ZNF791: variants seen among roughly 807,000 people sequenced by gnomAD.
ZNF791 encodes zinc finger protein 791.
A neutral mutation model predicts 11.5 loss-of-function variants in ZNF791; 4 were observed. The observed-to-expected ratio is 0.35, with a 90% confidence interval of 0.17 to 0.80. The LOEUF is 0.80. Among genes scored for constraint, ZNF791 ranks in the 30% least tolerant of loss-of-function variants. The pLI is 0.53. For synonymous variants in ZNF791, 212 were observed against 228.1 expected, an observed-to-expected ratio of 0.93 and a Z score of 0.64; for missense variants, 559 against 699.4, an observed-to-expected ratio of 0.80 and a Z score of 2.26.
At position 12,628,863 on chromosome 19, in the gene ZNF791, G is replaced by A; in HGVS notation, c.1334G>A (p.Cys445Tyr). 2 of 1,613,678 alleles carry A rather than the reference G, an allele frequency of 1.2e-6. No individual in the cohort carries two copies. The highest frequency in any genetic ancestry group is 2.2e-5 in the East Asian group (1 of 44,848). ...GACGGACCTTATAAATGTAGGGACT[G>A]TGGGAAGGTGTTCATTTTTCCTAGT... ...TGDGPYKCRDCGKVFIFPSAL... is the reference protein window; with the variant it reads ...TGDGPYKCRDYGKVFIFPSAL... The change falls in exon 4 of 4, where the codon TGT becomes TAT. Residue 445 changes from cysteine (C) to tyrosine (Y), a missense_variant. Coordinates refer to ENST00000343325, the MANE Select transcript of ZNF791 (RefSeq NM_153358.3).
At chr19:12,617,194 T>C (rs1372120374) in intron 1 of ZNF791, among the ~76,000 whole-genome samples, 1 of 151,088 alleles carries the variant, frequency 6.6e-6, no homozygotes, top group African/African-American at 2.4e-5. Context: ...GGTGCAGTCT[T>C]GGCTCACTGC....
In ZNF791 at chr19:12,624,560, C is replaced by T. The variant is rs183041672; in HGVS notation, c.131-90C>T. On this transcript the variant is annotated intron_variant, in intron 2 of 3. Transcript: ENST00000343325. ...GAAACACTTCTGTAAATAAACCAGG[C>T]ATGGTTACAGCTCATTGTGAACCTA... is the stretch of plus-strand genomic sequence containing the variant. 3.8e-5 allele frequency: 36 copies of T among 950,436 alleles called. 1 individual carries two copies. The highest frequency in any genetic ancestry group is 6.8e-4 in the Middle Eastern group (2 of 2,944). The allele number at this position is 950,436 out of a possible 1,614,324, so 58.9% of individuals were successfully genotyped here.
chr19:12,625,138 T>C (rs1270747752), intron 3 of ZNF791, among the ~76,000 whole-genome samples: 3 of 151,928 alleles, frequency 2.0e-5, no homozygotes, highest in Non-Finnish European at 4.4e-5. Flanking sequence ...TATTTTTTCT[T>C]GAGATGAGGT....
At position 12,624,158 on chromosome 19, in the gene ZNF791, C is replaced by CT. The variant is rs138811360; in HGVS notation, c.130+350dup. 4.8e-3 allele frequency among the ~76,000 whole-genome samples: 599 copies of CT among 124,030 alleles called. 8 individuals are homozygous for CT. The highest frequency in any genetic ancestry group is 0.034 in the South Asian group (128 of 3,818). The allele number at this position is 124,030 out of a possible 152,430, so 81.4% of individuals were successfully genotyped here. On this transcript the variant is annotated intron_variant, in intron 2 of 3. Transcript: ENST00000343325. ...GGCATGAGCCACTGTGCCTGGCCTT[C>CT]TTTTTTTTTTTTTTTTTTGAGTCTC...
chr19:12,626,308 C>A (rs1410136983), intron 3 of ZNF791, among the ~76,000 whole-genome samples: 1 of 151,648 alleles, frequency 6.6e-6, no homozygotes, highest in Non-Finnish European at 1.5e-5. Context: ...AGCCACCATG[C>A]CCAGCCAATT....
chr19:12,626,761 C>T (rs1303661701), intron 3 of ZNF791, among the ~76,000 whole-genome samples: 5 of 151,612 alleles, frequency 3.3e-5, no homozygotes, highest in Admixed American at 6.6e-5. Flanking sequence ...CCCACCACCA[C>T]GCCCGGCTAA....
At position 12,623,754 on chromosome 19, in the gene ZNF791, C is replaced by G; in HGVS notation, c.58C>G (p.Leu20Val). The change falls in exon 2 of 4, where the codon CTG becomes GTG. Residue 20 changes from leucine (L) to valine (V), a missense_variant. Leu to Val is a conservative substitution (Grantham distance 32, BLOSUM62 1). Coordinates refer to ENST00000343325, the MANE Select transcript of ZNF791 (RefSeq NM_153358.3). ...GAGCTTCAGCCAGGAGGAGTGGGCT[C>G]TGCTGGCTCCTTCACAGAAGAAACT... is the stretch of plus-strand genomic sequence containing the variant. Reference protein sequence around the residue: ...SVSFSQEEWALLAPSQKKLYR... With the variant: ...SVSFSQEEWAVLAPSQKKLYR... 1 of 1,613,454 alleles carries G rather than the reference C, an allele frequency of 6.2e-7. No individual in the cohort carries two copies. Among genetic ancestry groups the G allele is most frequent in the Non-Finnish European group, 8.5e-7 (1 of 1,179,840 alleles).
chr19:12,624,768 G>A (rs2023402413), intron 3 of ZNF791, 58 bp downstream of exon 3: 3 of 1,386,262 alleles, frequency 2.2e-6, no homozygotes, highest in Middle Eastern at 2.2e-4. Flanking sequence ...AAAATGTTAT[G>A]GCCGGGCACG....
At chr19:12,620,751 G>GTTTTTT (rs2023327234) in intron 1 of ZNF791, among the ~76,000 whole-genome samples, 3 of 71,600 alleles carry the variant, frequency 4.2e-5, no homozygotes, top group African/African-American at 1.2e-4. Flanking sequence ...GGGGATTTAT[G>GTTTTTT]TTCTTTTTTT....
chr19:12,623,613 A>G (rs1177085714), intron 1 of ZNF791, 87 bp from the exon 2 acceptor site: 3 of 1,580,172 alleles, frequency 1.9e-6, no homozygotes, highest in Non-Finnish European at 2.6e-6. Context: ...TGGAGACCAC[A>G]AAATCGTGTG....
At chr19:12,616,546 G>A in intron 1 of ZNF791, among the ~76,000 whole-genome samples, 1 of 152,136 alleles carries the variant, frequency 6.6e-6, no homozygotes, top group East Asian at 1.9e-4. Flanking sequence ...AAAAAAATTA[G>A]CCCAATGTGG....
At position 12,614,892 on chromosome 19, in the gene ZNF791, C is replaced by CTTTTTTTTTTTT. The variant is rs57575424; in HGVS notation, c.3+3834_3+3845dup. 5.5e-3 allele frequency among the ~76,000 whole-genome samples: 96 copies of CTTTTTTTTTTTT among 17,564 alleles called. 35 individuals carry two copies. Among genetic ancestry groups the CTTTTTTTTTTTT allele is most frequent in the Middle Eastern group, 0.056 (1 of 18 alleles). 11.5% of individuals were successfully genotyped at this position (17,564 alleles called of 152,430 possible). A position where few individuals can be genotyped will look rare whatever the true frequency, so the allele number is the denominator to read the frequency against. On this transcript the variant is annotated intron_variant, in intron 1 of 3. Coordinates refer to ENST00000343325, the MANE Select transcript of ZNF791 (RefSeq NM_153358.3). ...ACAGGTGTGAGCCACTGCGTCCGGC[C>CTTTTTTTTTTTT]TTTTTTTTTTTTTTTTTTTTTTTTT...
intron 3 of ZNF791, among the ~76,000 whole-genome samples, chr19:12,625,272 C>T (rs1423962366): frequency 1.3e-5 from 2 of 149,668 alleles, no homozygotes; most frequent in African/African-American, 4.9e-5. Flanking sequence ...AGGGACGTGC[C>T]ACCACACCTG....
Position 12,628,580 on chromosome 19 carries a change from A to G in ZNF791, c.1051A>G (p.Thr351Ala). 2 of 1,599,452 alleles carry G rather than the reference A, an allele frequency of 1.3e-6. No homozygotes were observed. Among genetic ancestry groups the G allele is most frequent in the Non-Finnish European group, 1.7e-6 (2 of 1,174,026 alleles). Residue 351 changes from threonine (T) to alanine (A), a missense_variant, in exon 4 of 4, where the codon ACT becomes GCT. Transcript: ENST00000343325. The part of the protein sequence containing the change: ...PAFRVHVRVH[T>A]GEKPYKCKEC... ...CTTTCGAGTACACGTGAGAGTGCAT[A>G]CTGGAGAGAAACCCTATAAGTGTAA...
chr19:12,626,040 C>T (rs1349342284), intron 3 of ZNF791, among the ~76,000 whole-genome samples: 3 of 151,888 alleles, frequency 2.0e-5, no homozygotes, highest in East Asian at 2.0e-4. Context: ...TTTTTTGAGA[C>T]GGAGTCTCGC....
chr19:12,621,846 T>C (rs2023354386), intron 1 of ZNF791, among the ~76,000 whole-genome samples: 1 of 136,136 alleles, frequency 7.3e-6, no homozygotes, highest in African/African-American at 2.8e-5. Flanking sequence ...CCACCCCGTC[T>C]GGGAGGTGTG....
rs769259347 is a variant in ZNF791, at chr19:12,630,200, G to A, written c.*940G>A. 3.3e-5 allele frequency: 5 copies of A among 151,662 alleles called. No individual in the cohort carries two copies. Among genetic ancestry groups the A allele is most frequent in the Admixed American group, 2.0e-4 (3 of 15,144 alleles). 9.4% of individuals were successfully genotyped at this position (151,662 alleles called of 1,614,324 possible). A position where few individuals can be genotyped will look rare whatever the true frequency, so the allele number is the denominator to read the frequency against. On this transcript the variant is annotated 3_prime_UTR_variant, in exon 4 of 4. Coordinates refer to ENST00000343325, the MANE Select transcript of ZNF791 (RefSeq NM_153358.3). ...TGGCTGGGCACAGTGGCTCATACCT[G>A]TAATCCCAGCACTTTGGGAGGCTGA...
At chr19:12,612,829 T>TTA (rs2023182207) in intron 1 of ZNF791, among the ~76,000 whole-genome samples, 1 of 117,434 alleles carries the variant, frequency 8.5e-6, no homozygotes, top group African/African-American at 3.0e-5. Context: ...TTTTTTTTTT[T>TTA]AAAGACCAAG....
intron 1 of ZNF791, among the ~76,000 whole-genome samples, chr19:12,614,671 C>T (rs1205681973): frequency 2.7e-5 from 4 of 149,846 alleles, no homozygotes; most frequent in African/African-American, 7.4e-5. Context: ...CTCGGCTCAC[C>T]GCAACCTCCG....
Sources: allele counts gnomAD v4.1 joint callset (sites outside exome capture counted in the v4.1 genomes callset), GRCh38; gene constraint gnomAD v4.1.1; transcripts MANE v1.5; gene names NCBI Gene and HGNC (gene_info 2026-07-23, HGNC 2026-07-21).